The following MCC variants were observed in gnomAD, a reference collection of about 807,000 sequenced individuals.
MCC encodes the protein colorectal mutant cancer protein.
A neutral mutation model predicts 116.2 loss-of-function variants in MCC; 90 were observed. The observed-to-expected ratio is 0.77, with a 90% CI of 0.65 to 0.92. The LOEUF (loss-of-function observed/expected upper bound fraction) is 0.92, where lower values mean the gene tolerates loss of function less well. Among genes scored for constraint, MCC ranks in the 40% least tolerant of loss-of-function variants. MCC has a pLI of 0.00. For missense variants in MCC, 1,516 were observed against 1,312.2 expected, an observed-to-expected ratio of 1.16 and a Z score of -2.40; for synonymous variants, 578 against 510.5, an observed-to-expected ratio of 1.13 and a Z score of -1.78.
chr5:113,044,540 T>G, intron 16 of MCC: 1 of 935,096 alleles, frequency 1.1e-6, no homozygotes, highest in Non-Finnish European at 1.3e-6. Flanking sequence ...AAAAAGCTTG[T>G]GATCTGTTGC....
intron 3 of MCC, among the ~76,000 whole-genome samples, chr5:113,201,403 A>AC (rs1762674044): frequency 6.6e-6 from 1 of 151,200 alleles, no homozygotes; most frequent in Non-Finnish European, 1.5e-5. Flanking sequence ...AAAAAAAAAA[A>AC]AACAAAGAAG....
chr5:113,212,792 T>C (rs187652852), intron 3 of MCC, among the ~76,000 whole-genome samples: 19 of 152,168 alleles, frequency 1.2e-4, no homozygotes, highest in Admixed American at 5.9e-4. Context: ...ATTCCTGTAC[T>C]TTCTAAATTG....
rs758524243 is a variant in MCC, at chr5:113,340,520, G to A, written c.626C>T (p.Thr209Ile). The A allele has an allele frequency of 1.2e-6, 2 of 1,613,906 alleles. No homozygotes were observed. The highest frequency in any genetic ancestry group is 1.7e-5 in the Admixed American group (1 of 60,016). ...VGGSYLELAN[T>I]LHSAALASLK... is the part of the protein sequence containing the mutation. The stretch of plus-strand genomic sequence containing the variant: ...TTCCATGAACCAAAAAGTACTCACT[G>A]TGTTGGCCAGCTCTAGATAGCTTCC... Residue 209 changes from threonine to isoleucine, a missense_variant and splice_region_variant, in exon 3 of 19, where the codon ACA (threonine) becomes ATA (isoleucine). Coordinates refer to ENST00000408903, the MANE Select transcript of MCC (RefSeq NM_001085377.2).
chr5:113,448,155 T>A (rs1771275618), intron 1 of MCC: 1 of 152,246 alleles, frequency 6.6e-6, no homozygotes, highest in Admixed American at 6.5e-5. Flanking sequence ...TACTTTTAGA[T>A]TCCAAAAGTT....
intron 2 of MCC, among the ~76,000 whole-genome samples, chr5:113,372,618 A>G (rs964650457): frequency 2.6e-5 from 4 of 152,230 alleles, no homozygotes; most frequent in Non-Finnish European, 2.9e-5. Context: ...ATATAACATC[A>G]TAAGTACAGA....
intron 3 of MCC, among the ~76,000 whole-genome samples, chr5:113,209,337 T>C (rs549961839): frequency 2.4e-4 from 36 of 152,308 alleles, no homozygotes; most frequent in African/African-American, 8.7e-4. Flanking sequence ...TTGCTCCCAA[T>C]TGTCATATAT....
chr5:113,213,048 C>T (rs1344700243), intron 3 of MCC, among the ~76,000 whole-genome samples: 1 of 152,168 alleles, frequency 6.6e-6, no homozygotes, highest in East Asian at 1.9e-4. Context: ...AAATTCTATT[C>T]TGCAAAGCTT....
intron 1 of MCC, among the ~76,000 whole-genome samples, chr5:113,412,612 C>A (rs1455587344): frequency 1.3e-5 from 2 of 152,140 alleles, no homozygotes; most frequent in African/African-American, 4.8e-5. Context: ...GATTTTTGCA[C>A]ACTGATTTTG....
At chr5:113,336,859 A>G (rs931525831) in intron 3 of MCC, among the ~76,000 whole-genome samples, 1 of 152,180 alleles carries the variant, frequency 6.6e-6, no homozygotes, top group Admixed American at 6.6e-5. Context: ...GTAGAAGGAG[A>G]AGACTGGTGA....
intron 11 of MCC, among the ~76,000 whole-genome samples, chr5:113,072,502 G>T (rs1754108367): frequency 6.6e-6 from 1 of 152,134 alleles, no homozygotes; most frequent in South Asian, 2.1e-4. Flanking sequence ...CCTCCATGTA[G>T]CCAAGCCCAT....
intron 3 of MCC, among the ~76,000 whole-genome samples, chr5:113,257,821 T>C (rs910426269): frequency 1.3e-5 from 2 of 152,086 alleles, no homozygotes; most frequent in Admixed American, 6.5e-5. Flanking sequence ...GGAGAAGTGA[T>C]AATCAATACC....
chr5:113,448,319 T>C (rs1459060418), intron 1 of MCC: 1 of 152,238 alleles, frequency 6.6e-6, no homozygotes, highest in Non-Finnish European at 1.5e-5. Flanking sequence ...GGAAGAGCTA[T>C]GAGTCTGGTT....
Position 113,053,123 on chromosome 5 carries a change from G to A in MCC, c.2448+602C>T, listed in dbSNP as rs549007468. Among the ~76,000 whole-genome samples, 48 of 152,288 alleles carry A rather than the reference G, an allele frequency of 3.2e-4. No homozygotes were observed. The East Asian group carries it at 3.3e-3, about 10-fold the overall frequency. On this transcript the variant is annotated intron_variant, in intron 15 of 18. Transcript: ENST00000408903. ...AACTACTTCCCAGTAGGGGACACCA[G>A]CTTTCCAAGAAAGCTCCCTTCTGTA...
intron 1 of MCC, among the ~76,000 whole-genome samples, chr5:113,487,920 A>G (rs988147835): frequency 6.6e-6 from 1 of 152,092 alleles, no homozygotes; most frequent in African/African-American, 2.4e-5. Context: ...CCTACCTGGG[A>G]CAAGCGGCCA....
At chr5:113,470,397 C>T (rs1485480267) in intron 1 of MCC, among the ~76,000 whole-genome samples, 1 of 150,768 alleles carries the variant, frequency 6.6e-6, no homozygotes, top group South Asian at 2.1e-4. Context: ...AATCTCTCAG[C>T]ATTTGCTTGT....
chr5:113,176,497 T>C lies in MCC; in HGVS notation c.628-25075A>G, dbSNP rs114905742. Among the ~76,000 whole-genome samples, 511 of 152,366 alleles carry C rather than the reference T, an allele frequency of 3.4e-3. 8 individuals are homozygous for C. Among genetic ancestry groups the C allele is most frequent in the African/African-American group, 0.012 (486 of 41,590 alleles). ...TTCCTCAACACACAGAGCAAGACAC[T>C]GTTCTCAAAGTCCAACAGCTAAGGG... On this transcript the variant is annotated intron_variant, in intron 3 of 18. Coordinates refer to ENST00000408903, the MANE Select transcript of MCC (RefSeq NM_001085377.2).
At chr5:113,174,804 G>T (rs1761246637) in intron 3 of MCC, among the ~76,000 whole-genome samples, 1 of 151,972 alleles carries the variant, frequency 6.6e-6, no homozygotes, top group Non-Finnish European at 1.5e-5. Context: ...GTCCAGGCTG[G>T]TCTCAAACTC....
intron 3 of MCC, among the ~76,000 whole-genome samples, chr5:113,334,651 C>T (rs186645966): frequency 3.0e-5 from 4 of 134,820 alleles, no homozygotes; most frequent in Non-Finnish European, 4.5e-5. Context: ...AGTGCAGTGG[C>T]GTGATCTCAG....
chr5:113,221,234 C>T (rs1242057293), intron 3 of MCC, among the ~76,000 whole-genome samples: 1 of 152,118 alleles, frequency 6.6e-6, no homozygotes, highest in Non-Finnish European at 1.5e-5. Flanking sequence ...AAGTGGTGAA[C>T]ACAGATGTGC....
Sources: gnomAD v4.1 joint callset for allele counts (sites outside exome capture counted in the v4.1 genomes callset) on GRCh38, gnomAD v4.1.1 for gene constraint, MANE v1.5 for transcripts, NCBI Gene and HGNC (gene_info 2026-07-23, HGNC 2026-07-21) for gene names.